The following BABAM2 variants were observed in gnomAD, a reference collection of about 807,000 sequenced individuals.
The protein encoded by BABAM2 is BRISC and BRCA1-A complex member 2.
In BABAM2, 31 loss-of-function variants were observed where a neutral mutation model predicts 54.7. The ratio of observed to expected loss-of-function variants is 0.57; its 90% CI spans 0.43 to 0.77. The LOEUF is 0.77. BABAM2 is among the 30% of genes least tolerant of loss of function. The probability of loss-of-function intolerance (pLI) is 0.00; values close to 1 mark genes in which losing one functional copy is unlikely to be tolerated. For synonymous variants in BABAM2, 167 were observed against 162.9 expected, an observed-to-expected ratio of 1.03 and a Z score of -0.19; for missense variants, 364 against 455.8, an observed-to-expected ratio of 0.80 and a Z score of 1.83.
upstream of BABAM2, among the ~76,000 whole-genome samples, chr2:27,889,440 G>A (rs1420489549): frequency 1.3e-5 from 2 of 152,154 alleles, no homozygotes; most frequent in African/African-American, 2.4e-5. Flanking sequence ...GCAGTAATTG[G>A]AGTGGTAGGA....
chr2:28,072,596 A>G (rs539034565), intron 6 of BABAM2, among the ~76,000 whole-genome samples: 82 of 152,098 alleles, frequency 5.4e-4, no homozygotes, highest in Non-Finnish European at 7.9e-4. Context: ...TGTGTTAGCC[A>G]GGATGGTCTC....
In BABAM2 at chr2:28,173,444, G is replaced by T. The variant is rs551214066; in HGVS notation, c.680+44064G>T. On this transcript the variant is annotated intron_variant, in intron 7 of 11. Transcript: ENST00000379624. ...CCCATATCCAAACAGCCCCGGGAGA[G>T]AGAAGGGAGAGAATTTTTAAAATGA... is the stretch of plus-strand genomic sequence containing the variant. Among the ~76,000 whole-genome samples the T allele has an allele frequency of 1.6e-3, 249 of 152,338 alleles. 3 individuals are homozygous for T. In the South Asian group the frequency reaches 0.023, roughly 14 times the overall value.
chr2:28,028,132 G>T (rs1018123914), intron 5 of BABAM2, among the ~76,000 whole-genome samples: 1 of 152,002 alleles, frequency 6.6e-6, no homozygotes, highest in Admixed American at 6.6e-5. Context: ...TTTAATAGTT[G>T]GCGTAGTTCA....
chr2:28,309,919 C>A (rs1039609385), intron 11 of BABAM2: 4 of 658,464 alleles, frequency 6.1e-6, no homozygotes, highest in Non-Finnish European at 1.1e-5. Flanking sequence ...GCCTTCCATT[C>A]CGCACGAGCA....
At chr2:28,030,140 C>A (rs981893143) in intron 5 of BABAM2, among the ~76,000 whole-genome samples, 1 of 152,036 alleles carries the variant, frequency 6.6e-6, no homozygotes, top group African/African-American at 2.4e-5. Context: ...TTTTATGGCA[C>A]CGTTTGTTAC....
At chr2:27,964,618 C>G (rs1426282611) in intron 3 of BABAM2, among the ~76,000 whole-genome samples, 1 of 152,070 alleles carries the variant, frequency 6.6e-6, no homozygotes, top group Non-Finnish European at 1.5e-5. Flanking sequence ...TTGGGCAGCA[C>G]AGTGTAGGAA....
At chr2:28,109,254 T>A (rs1667790402) in intron 6 of BABAM2, among the ~76,000 whole-genome samples, 1 of 147,954 alleles carries the variant, frequency 6.8e-6, no homozygotes, top group Non-Finnish European at 1.5e-5. Context: ...AGTGATGTGA[T>A]CTTGGCTCAC....
intron 3 of BABAM2, among the ~76,000 whole-genome samples, chr2:27,982,843 G>GTATA (rs57333567): frequency 5.3e-5 from 5 of 93,766 alleles, no homozygotes; most frequent in African/African-American, 1.3e-4. Context: ...TTCATTATGT[G>GTATA]TACACACACA....
At chr2:28,193,648 A>T (rs555653781) in intron 7 of BABAM2, among the ~76,000 whole-genome samples, 2 of 152,342 alleles carry the variant, frequency 1.3e-5, no homozygotes, top group East Asian at 3.9e-4. Flanking sequence ...AACCAAAGGT[A>T]TATAATCTTT....
chr2:28,207,108 A>G (rs867678071), intron 7 of BABAM2, among the ~76,000 whole-genome samples: 18 of 152,196 alleles, frequency 1.2e-4, no homozygotes, highest in Admixed American at 3.9e-4. Flanking sequence ...GGACTTAACC[A>G]CTACACTAGT....
chr2:27,929,946 T>C lies in BABAM2; in HGVS notation c.205+38T>C, dbSNP rs1190412891. 1.9e-6 allele frequency: 3 copies of C among 1,562,428 alleles called. No individual in the cohort carries two copies. In the African/African-American group the frequency reaches 4.1e-5, roughly 21 times the overall value. On this transcript the variant is annotated intron_variant, in intron 3 of 11. Transcript: ENST00000379624. ...TGACTATTTTACTCAAAATGTAGGT[T>C]ACAGTGTCAGCTATTGGACTTTGTG...
chr2:28,252,354 C>A (rs1299502074), intron 10 of BABAM2, among the ~76,000 whole-genome samples: 2 of 152,118 alleles, frequency 1.3e-5, no homozygotes, highest in Non-Finnish European at 2.9e-5. Flanking sequence ...ATGGGAACTA[C>A]TGAGTCCTTT....
At chr2:27,908,469 C>T (rs528243770) in intron 2 of BABAM2, among the ~76,000 whole-genome samples, 20 of 152,164 alleles carry the variant, frequency 1.3e-4, no homozygotes, top group Admixed American at 5.9e-4. Flanking sequence ...AATGGGGTTG[C>T]GCCATGTTGC....
chr2:28,047,001 A>G (rs1307295113), intron 6 of BABAM2, among the ~76,000 whole-genome samples: 4 of 152,200 alleles, frequency 2.6e-5, no homozygotes, highest in South Asian at 4.2e-4. Flanking sequence ...AAATGTTGGG[A>G]TTATAGGTGT....
At chr2:28,009,381 C>T (rs971278870) in intron 4 of BABAM2, among the ~76,000 whole-genome samples, 3 of 152,018 alleles carry the variant, frequency 2.0e-5, no homozygotes, top group African/African-American at 7.2e-5. Context: ...ATGAAGATTG[C>T]ATATTGGCAG....
At chr2:28,131,142 C>T (rs113790786) in intron 7 of BABAM2, among the ~76,000 whole-genome samples, 1 of 10,670 alleles carries the variant, frequency 9.4e-5, no homozygotes, top group East Asian at 1.0e-3. Flanking sequence ...AGTGCAGTGG[C>T]GCAATCTCGG....
chr2:28,273,320 G>T (rs1012755407), intron 10 of BABAM2, among the ~76,000 whole-genome samples: 1 of 152,184 alleles, frequency 6.6e-6, no homozygotes, highest in African/African-American at 2.4e-5. Context: ...AGATTCTGAG[G>T]ACTGAGCACC....
chr2:28,184,249 TC>T (rs1280638202), intron 7 of BABAM2, among the ~76,000 whole-genome samples: 6 of 72,978 alleles, frequency 8.2e-5, no homozygotes, highest in African/African-American at 3.1e-4. Flanking sequence ...TCTCTCTCTC[TC>T]CCTCCCTCCC....
chr2:27,962,533 T>C (rs1328594700), intron 3 of BABAM2, among the ~76,000 whole-genome samples: 1 of 152,262 alleles, frequency 6.6e-6, no homozygotes, highest in Non-Finnish European at 1.5e-5. Flanking sequence ...TCAAATGTAC[T>C]TAAAATGTAT....
Sources: gnomAD v4.1 joint callset for allele counts (sites outside exome capture counted in the v4.1 genomes callset) on GRCh38, gnomAD v4.1.1 for gene constraint, MANE v1.5 for transcripts, NCBI Gene and HGNC (gene_info 2026-07-23, HGNC 2026-07-21) for gene names.